The following SLC25A18 variants were observed in gnomAD, a reference collection of about 807,000 sequenced individuals.
SLC25A18 encodes mitochondrial glutamate carrier 2.
A neutral mutation model predicts 31.1 loss-of-function variants in SLC25A18; 24 were observed. The ratio of observed to expected loss-of-function variants is 0.77; its 90% CI spans 0.56 to 1.08. The LOEUF is 1.08. Ranked by LOEUF, SLC25A18 falls within the 50% of genes least tolerant of loss-of-function variation. The pLI, the probability that SLC25A18 is intolerant of heterozygous loss-of-function variation, is 0.00. For synonymous variants in SLC25A18, 173 were observed against 161.9 expected, an observed-to-expected ratio of 1.07 and a Z score of -0.52; for missense variants, 371 against 418.5, an observed-to-expected ratio of 0.89 and a Z score of 0.99.
intron 1 of SLC25A18, among the ~76,000 whole-genome samples, chr22:17,568,556 T>TTTTTTATC (rs2057000525): frequency 9.8e-5 from 1 of 10,228 alleles, no homozygotes; most frequent in African/African-American, 4.0e-4. Flanking sequence ...AAAGTACATC[T>TTTTTTATC]TTTTTTTTTT....
intron 8 of SLC25A18, among the ~76,000 whole-genome samples, chr22:17,587,536 T>A (rs997593744): frequency 6.6e-6 from 1 of 152,208 alleles, no homozygotes; most frequent in African/African-American, 2.4e-5. Context: ...ACAGGAAGGC[T>A]GGGTGTTTTG....
intron 7 of SLC25A18, among the ~76,000 whole-genome samples, chr22:17,586,170 T>G (rs902625660): frequency 6.6e-6 from 1 of 152,284 alleles, no homozygotes; most frequent in African/African-American, 2.4e-5. Flanking sequence ...ACACGGGAAT[T>G]TCATGTATGT....
At chr22:17,570,044 C>CA in intron 2 of SLC25A18, 58 bp downstream of exon 2, 1 of 960,828 alleles carries the variant, frequency 1.0e-6, no homozygotes, top group Non-Finnish European at 1.2e-6. Context: ...ACTCTTCTAG[C>CA]AAATAAACCA....
Position 17,563,716 on chromosome 22 carries a change from A to G in SLC25A18, c.-264+3A>G, listed in dbSNP as rs1011381387. 1.2e-5 allele frequency: 12 copies of G among 985,374 alleles called. No individual in the cohort carries two copies. Among genetic ancestry groups the G allele is most frequent in the Non-Finnish European group, 1.4e-5 (12 of 829,916 alleles). 61.0% of individuals were successfully genotyped at this position (985,374 alleles called of 1,614,324 possible). On this transcript the variant is annotated splice_donor_region_variant and intron_variant, in intron 1 of 10. Transcript: ENST00000327451. ...ACTCGCTTGCAGGCAAGTTGTCAGTAAGTATTTATTAAATACCCACCGTGA... is the reference window on the plus strand; with the variant it reads ...ACTCGCTTGCAGGCAAGTTGTCAGTGAGTATTTATTAAATACCCACCGTGA...
At chr22:17,584,093 A>G in intron 7 of SLC25A18, 1 of 984,826 alleles carries the variant, frequency 1.0e-6, no homozygotes, top group South Asian at 4.7e-5. Context: ...TTGATCTCCT[A>G]AAGATTTTAA....
chr22:17,583,131 C>T (rs118102156), intron 6 of SLC25A18, among the ~76,000 whole-genome samples: 2 of 152,316 alleles, frequency 1.3e-5, no homozygotes, highest in East Asian at 3.9e-4. Flanking sequence ...CTCACATTGC[C>T]CAGTGATGTT....
At chr22:17,584,036 G>T in intron 7 of SLC25A18, 1 of 984,106 alleles carries the variant, frequency 1.0e-6, no homozygotes, top group African/African-American at 1.7e-5. Flanking sequence ...GATTCAGAGG[G>T]TCAGAAAATA....
chr22:17,573,881 C>T (rs140088652), intron 2 of SLC25A18, among the ~76,000 whole-genome samples: 114 of 152,288 alleles, frequency 7.5e-4, no homozygotes, highest in African/African-American at 2.5e-3. Flanking sequence ...CTCACTGACT[C>T]CCCTCAACCC....
intron 2 of SLC25A18, among the ~76,000 whole-genome samples, chr22:17,573,454 T>G (rs1199582978): frequency 1.3e-5 from 2 of 151,746 alleles, no homozygotes; most frequent in African/African-American, 2.4e-5. Context: ...GAGTCTGGAG[T>G]GGTGAGGAGG....
In SLC25A18 at chr22:17,563,684, A is replaced by G. The variant is rs1221265660; in HGVS notation, c.-293A>G. Reference sequence around the variant, plus strand: ...CGTGAGTGCCTCAACAACTGAGATGAACGTCGACTCGCTTGCAGGCAAGTT... The same window carrying G: ...CGTGAGTGCCTCAACAACTGAGATGGACGTCGACTCGCTTGCAGGCAAGTT... On this transcript the variant is annotated 5_prime_UTR_variant, in exon 1 of 11. Transcript: ENST00000327451. The G allele has an allele frequency of 1.0e-6, 1 of 985,272 alleles. No homozygotes were observed. The highest frequency in any genetic ancestry group is 1.2e-6 in the Non-Finnish European group (1 of 829,940). The allele number at this position is 985,272 out of a possible 1,614,324, so 61.0% of individuals were successfully genotyped here. A position where few individuals can be genotyped will look rare whatever the true frequency, so the allele number is the denominator to read the frequency against.
intron 2 of SLC25A18, among the ~76,000 whole-genome samples, chr22:17,574,117 C>T (rs916473258): frequency 7.9e-5 from 12 of 152,134 alleles, no homozygotes; most frequent in African/African-American, 2.9e-4. Flanking sequence ...ACCTATGGTC[C>T]CAACTCCTTG....
chr22:17,584,399 A>AAAAGAAAGAAAGAAAGAAAGAAAGAAAG (rs1187381986), intron 7 of SLC25A18, among the ~76,000 whole-genome samples: 7 of 110,686 alleles, frequency 6.3e-5, no homozygotes, highest in African/African-American at 1.7e-4. Flanking sequence ...TCTCAAAAAG[A>AAAAGAAAGAAAGAAAGAAAGAAAGAAAG]AAAGAAAGAA....
intron 9 of SLC25A18, 70 bp downstream of exon 9, chr22:17,588,149 T>G (rs1253642377): frequency 1.9e-6 from 3 of 1,577,206 alleles, no homozygotes; most frequent in Non-Finnish European, 1.7e-6. Context: ...TAAAACAGCC[T>G]GACCCTGGAA....
rs115675673 is a variant in SLC25A18, at chr22:17,589,329, C to T, written c.731-261C>T. 2,000 of 350,896 alleles carry T rather than the reference C, an allele frequency of 5.7e-3. 46 individuals carry two copies. Among genetic ancestry groups the T allele is most frequent in the African/African-American group, 0.038 (1,790 of 46,846 alleles). The allele number at this position is 350,896 out of a possible 1,614,324, so 21.7% of individuals were successfully genotyped here. A position where few individuals can be genotyped will look rare whatever the true frequency, so the allele number is the denominator to read the frequency against. On this transcript the variant is annotated intron_variant, in intron 9 of 10. Coordinates refer to ENST00000327451, the MANE Select transcript of SLC25A18 (RefSeq NM_031481.3). ...ATGAGTAGCTGGGACTACAGGAACG[C>T]GCCACGCCCGGCTCATTTTTGTATT...
intron 7 of SLC25A18, among the ~76,000 whole-genome samples, chr22:17,584,781 C>CAAAAAAAA (rs66948770): frequency 4.1e-3 from 83 of 20,056 alleles, no homozygotes; most frequent in African/African-American, 5.8e-3. Context: ...GAATTCATCT[C>CAAAAAAAA]AAAAAAAAAA....
At chr22:17,587,322 C>T (rs1223137374) in intron 8 of SLC25A18, 21 bp downstream of exon 8, 1 of 1,603,276 alleles carries the variant, frequency 6.2e-7, no homozygotes. Context: ...CTTCCGGTTC[C>T]CTAGGACAAG....
In SLC25A18 at chr22:17,579,741, G is replaced by T; in HGVS notation, c.-200-4G>T. On this transcript the variant is annotated splice_region_variant and splice_polypyrimidine_tract_variant and intron_variant, in intron 2 of 10. Coordinates refer to ENST00000327451, the MANE Select transcript of SLC25A18 (RefSeq NM_031481.3). ...AGGTGAGTGTTTCTCTGACTACTTT[G>T]CAGGGGAGGAAGCCGCAGCCCAAGG... 1 of 1,387,692 alleles carries T rather than the reference G, an allele frequency of 7.2e-7. No individual in the cohort carries two copies. Among genetic ancestry groups the T allele is most frequent in the Non-Finnish European group, 9.3e-7 (1 of 1,072,706 alleles). 86.0% of individuals were successfully genotyped at this position (1,387,692 alleles called of 1,614,324 possible).
At chr22:17,587,788 G>A (rs2057594957) in intron 8 of SLC25A18, 137 bp from the exon 9 acceptor site, 1 of 1,060,324 alleles carries the variant, frequency 9.4e-7, no homozygotes. Flanking sequence ...CACGCTCACG[G>A]GGCACAAAAG....
intron 2 of SLC25A18, among the ~76,000 whole-genome samples, chr22:17,577,289 T>C (rs1342013644): frequency 6.6e-6 from 1 of 152,184 alleles, no homozygotes; most frequent in Non-Finnish European, 1.5e-5. Flanking sequence ...CCCAAAGTGC[T>C]GGGATTATAG....
Sources: gnomAD v4.1 joint callset for allele counts (sites outside exome capture counted in the v4.1 genomes callset) on GRCh38, gnomAD v4.1.1 for gene constraint, MANE v1.5 for transcripts, NCBI Gene and HGNC (gene_info 2026-07-23, HGNC 2026-07-21) for gene names.